The following TASP1 variants were observed in gnomAD, a reference collection of about 807,000 sequenced individuals.
The protein encoded by TASP1 is threonine aspartase 1.
In TASP1, 16 loss-of-function variants were observed where a neutral mutation model predicts 56.6. The ratio of observed to expected loss-of-function variants is 0.28; its 90% CI spans 0.19 to 0.43. TASP1 has a LOEUF of 0.43. Among genes scored for constraint, TASP1 ranks in the 20% least tolerant of loss-of-function variants. TASP1 has a pLI of 1.00. For missense variants in TASP1, 393 were observed against 511.6 expected, an observed-to-expected ratio of 0.77 and a Z score of 2.24; for synonymous variants, 179 against 184.2, an observed-to-expected ratio of 0.97 and a Z score of 0.23.
intron 11 of TASP1, among the ~76,000 whole-genome samples, chr20:13,463,276 T>C (rs1195779771): frequency 6.6e-6 from 1 of 152,122 alleles, no homozygotes; most frequent in African/African-American, 2.4e-5. Flanking sequence ...AAGGATAGTC[T>C]TTTTCGATAA....
the TASP1 span, among the ~76,000 whole-genome samples, chr20:13,143,345 G>A: frequency 6.6e-6 from 1 of 152,092 alleles, no homozygotes; most frequent in African/African-American, 2.4e-5. Flanking sequence ...AAATGTGTAT[G>A]AAAGTATATA....
At chr20:13,355,537 C>T in the TASP1 span, among the ~76,000 whole-genome samples, 4 of 152,232 alleles carry the variant, frequency 2.6e-5, no homozygotes, top group Non-Finnish European at 5.9e-5. Context: ...TAGGACTGCA[C>T]TCTTTGAAGG....
At chr20:13,545,654 TA>T (rs67355680) in intron 8 of TASP1, among the ~76,000 whole-genome samples, 3 of 152,132 alleles carry the variant, frequency 2.0e-5, no homozygotes, top group African/African-American at 2.4e-5. Context: ...CATTTTTTTT[TA>T]AAATATCTTA....
At chr20:13,337,288 G>A in the TASP1 span, among the ~76,000 whole-genome samples, 8 of 152,338 alleles carry the variant, frequency 5.3e-5, no homozygotes, top group East Asian at 1.4e-3. Flanking sequence ...CTCCCATCTT[G>A]TGAGTCTCTG....
At chr20:13,602,154 C>T (rs2047986103) in intron 4 of TASP1, among the ~76,000 whole-genome samples, 1 of 151,874 alleles carries the variant, frequency 6.6e-6, no homozygotes, top group Non-Finnish European at 1.5e-5. Context: ...GCTGGGATTA[C>T]AGGCGTGAGC....
the TASP1 span, chr20:13,368,708 A>C: frequency 6.6e-6 from 1 of 152,334 alleles, no homozygotes. Flanking sequence ...TGATGCAGAC[A>C]TGAAAAGATA....
chr20:13,586,174 C>CAA (rs35005769), intron 5 of TASP1, among the ~76,000 whole-genome samples: 14 of 53,182 alleles, frequency 2.6e-4, no homozygotes, highest in East Asian at 1.0e-3. Context: ...GACTCCATCT[C>CAA]AAAAAAAAAA....
chr20:13,578,570 T>C (rs943233036), intron 6 of TASP1, among the ~76,000 whole-genome samples: 1 of 152,196 alleles, frequency 6.6e-6, no homozygotes, highest in Non-Finnish European at 1.5e-5. Context: ...AAGAATACTC[T>C]CCCATATTTT....
chr20:13,358,164 T>G, the TASP1 span, among the ~76,000 whole-genome samples: 1 of 152,194 alleles, frequency 6.6e-6, no homozygotes, highest in Non-Finnish European at 1.5e-5. Flanking sequence ...AAACCCCCTT[T>G]GACTGTAATT....
At chr20:13,256,158 G>A in the TASP1 span, among the ~76,000 whole-genome samples, 3,271 of 152,138 alleles carry the variant, frequency 0.022, 115 homozygotes, top group African/African-American at 0.075. Context: ...CACTTTGGGA[G>A]GCTGAGGTGG....
the TASP1 span, chr20:13,288,562 C>G: frequency 6.2e-7 from 1 of 1,613,938 alleles, no homozygotes; most frequent in East Asian, 2.2e-5. Flanking sequence ...GCGAGGGTGA[C>G]TGGAGTCTCT....
the TASP1 span, among the ~76,000 whole-genome samples, chr20:13,201,580 CAA>C: frequency 1.7e-4 from 24 of 137,760 alleles, 1 homozygote; most frequent in Admixed American, 5.2e-4. Context: ...TATTAATGTG[CAA>C]AAAAAAAAAA....
chr20:13,337,774 A>C, the TASP1 span, among the ~76,000 whole-genome samples: 1 of 152,222 alleles, frequency 6.6e-6, no homozygotes, highest in African/African-American at 2.4e-5. Flanking sequence ...AGAGGCCAGA[A>C]GGAAAGGAAA....
At chr20:13,434,145 T>C (rs1409857082) in intron 12 of TASP1, among the ~76,000 whole-genome samples, 1 of 149,412 alleles carries the variant, frequency 6.7e-6, no homozygotes, top group Admixed American at 6.7e-5. Context: ...CAAAGTTCTA[T>C]TTTTTTTTTA....
chr20:13,584,506 T>C lies in TASP1; in HGVS notation c.403+2744A>G, dbSNP rs973310341. ...ATTAAATACCAATAAAACTGCATAATAAGAGAAACTAAAATTAAAACTAAT... is the reference window on the plus strand; with the variant it reads ...ATTAAATACCAATAAAACTGCATAACAAGAGAAACTAAAATTAAAACTAAT... On this transcript the variant is annotated intron_variant, in intron 5 of 13. Transcript: ENST00000337743. 6.3e-5 allele frequency among the ~76,000 whole-genome samples: 9 copies of C among 142,252 alleles called. No homozygotes were observed. In the South Asian group the frequency reaches 7.3e-4, roughly 12 times the overall value. The allele number at this position is 142,252 out of a possible 152,430, so 93.3% of individuals were successfully genotyped here. A position where few individuals can be genotyped will look rare whatever the true frequency, so the allele number is the denominator to read the frequency against.
the TASP1 span, among the ~76,000 whole-genome samples, chr20:13,155,653 C>A: frequency 9.2e-4 from 140 of 152,046 alleles, no homozygotes; most frequent in African/African-American, 3.3e-3. Flanking sequence ...GGTGAAACCC[C>A]GTGTCTACAA....
chr20:13,405,960 C>T (rs1395341894), intron 13 of TASP1, among the ~76,000 whole-genome samples: 1 of 152,144 alleles, frequency 6.6e-6, no homozygotes, highest in Non-Finnish European at 1.5e-5. Context: ...CTGGCAATTC[C>T]CTTCCCTCAG....
intron 8 of TASP1, among the ~76,000 whole-genome samples, chr20:13,557,436 G>T (rs1408879377): frequency 6.6e-6 from 1 of 152,008 alleles, no homozygotes; most frequent in East Asian, 1.9e-4. Flanking sequence ...CTTTAAGTTG[G>T]AGACTAACTG....
chr20:13,313,931 A>T, the TASP1 span, among the ~76,000 whole-genome samples: 1 of 152,208 alleles, frequency 6.6e-6, no homozygotes, highest in African/African-American at 2.4e-5. Context: ...GAGATAAAAA[A>T]TTCTAAGAAA....
Sources: gnomAD v4.1 joint callset for allele counts (sites outside exome capture counted in the v4.1 genomes callset) on GRCh38, gnomAD v4.1.1 for gene constraint, MANE v1.5 for transcripts, NCBI Gene and HGNC (gene_info 2026-07-23, HGNC 2026-07-21) for gene names.